The following COL4A6 variants were observed in gnomAD, a reference collection of about 807,000 sequenced individuals.
The protein encoded by COL4A6 is collagen type IV alpha 6 chain.
A neutral mutation model predicts 126.7 loss-of-function variants in COL4A6; 59 were observed. The ratio of observed to expected loss-of-function variants is 0.47; its 90% confidence interval spans 0.38 to 0.58. The LOEUF is 0.58. Ranked by LOEUF, COL4A6 falls within the 20% of genes least tolerant of loss-of-function variation. The probability of loss-of-function intolerance (pLI) is 0.00; values close to 1 mark genes in which losing one functional copy is unlikely to be tolerated. For synonymous variants in COL4A6, 547 were observed against 496.6 expected, an observed-to-expected ratio of 1.10 and a Z score of -1.35; for missense variants, 1,285 against 1,337.3, an observed-to-expected ratio of 0.96 and a Z score of 0.61.
At chrX:108,310,883 C>T in intron 2 of COL4A6, 55 bp from the exon 3 acceptor site, 11 of 934,515 alleles carry the variant, frequency 1.2e-5, no homozygotes, top group Non-Finnish European at 1.7e-5. Context: ...GCAATGTTGT[C>T]CCAGCAGACC....
intron 3 of COL4A6, among the ~76,000 whole-genome samples, chrX:108,245,872 T>C (rs1289335904): frequency 8.9e-6 from 1 of 111,997 alleles, no homozygotes; most frequent in Non-Finnish European, 1.9e-5. Flanking sequence ...TGAGAATTGA[T>C]AGGTTAGTGT....
At chrX:108,433,434 C>T (rs1317787089) in intron 2 of COL4A6, among the ~76,000 whole-genome samples, 3 of 111,714 alleles carry the variant, frequency 2.7e-5, no homozygotes, top group Non-Finnish European at 5.6e-5. Context: ...TGTTCTTTTT[C>T]TATGTGTATG....
intron 2 of COL4A6, among the ~76,000 whole-genome samples, chrX:108,337,520 G>A (rs929526818): frequency 8.9e-6 from 1 of 112,926 alleles, no homozygotes; most frequent in Non-Finnish European, 1.9e-5. Flanking sequence ...CTCGTGAAGC[G>A]AGGAGCAGAC....
chrX:108,201,548 C>T (rs1194005888), intron 13 of COL4A6, among the ~76,000 whole-genome samples: 1 of 111,580 alleles, frequency 9.0e-6, no homozygotes, highest in Non-Finnish European at 1.9e-5. Context: ...TTTAAATATT[C>T]AGAGGTATTT....
chrX:108,281,933 G>T (rs1169572353), intron 3 of COL4A6, among the ~76,000 whole-genome samples: 2 of 109,729 alleles, frequency 1.8e-5, no homozygotes, highest in Non-Finnish European at 3.8e-5. Context: ...TGGGAAAACT[G>T]GCTAGCCATA....
intron 3 of COL4A6, among the ~76,000 whole-genome samples, chrX:108,278,795 C>A (rs1229728550): frequency 9.1e-6 from 1 of 110,169 alleles, no homozygotes; most frequent in Non-Finnish European, 1.9e-5. Flanking sequence ...GCGGATCTCT[C>A]GGCAGAAACT....
At chrX:108,315,950 C>T (rs761771896) in intron 2 of COL4A6, among the ~76,000 whole-genome samples, 3 of 112,041 alleles carry the variant, frequency 2.7e-5, no homozygotes, top group Non-Finnish European at 3.8e-5. Flanking sequence ...TGTTAGAGAT[C>T]AGCATCACTT....
chrX:108,412,441 G>A (rs1036199888), intron 2 of COL4A6, among the ~76,000 whole-genome samples: 1 of 111,619 alleles, frequency 9.0e-6, no homozygotes, highest in African/African-American at 3.3e-5. Context: ...GTGCAAAGAC[G>A]CATTCTACTA....
chrX:108,219,313 C>A (rs780762532), intron 5 of COL4A6, among the ~76,000 whole-genome samples: 4 of 111,891 alleles, frequency 3.6e-5, no homozygotes, highest in Non-Finnish European at 7.5e-5. Context: ...AAGGATTTTA[C>A]CCTCTAATTT....
intron 3 of COL4A6, among the ~76,000 whole-genome samples, chrX:108,235,021 C>A (rs923205809): frequency 9.0e-6 from 1 of 111,351 alleles, no homozygotes; most frequent in African/African-American, 3.3e-5. Context: ...GCACTGAGAG[C>A]TCCCCCGACA....
chrX:108,409,769 G>C (rs909881984), intron 2 of COL4A6, among the ~76,000 whole-genome samples: 26 of 112,306 alleles, frequency 2.3e-4, no homozygotes, highest in African/African-American at 7.4e-4. Flanking sequence ...CGAATGTCTT[G>C]CTGAAAGCTA....
chrX:108,157,442 C>T (rs748475621), intron 44 of COL4A6, among the ~76,000 whole-genome samples, 182 bp from the exon 45 acceptor site: 436 of 111,400 alleles, frequency 3.9e-3, no homozygotes, highest in Non-Finnish European at 6.8e-3. Context: ...GGCTGCTTGT[C>T]CTCCCTCATA....
At position 108,169,612 on chromosome X, in the gene COL4A6, T is replaced by C. The variant is rs2034237347; in HGVS notation, c.3574A>G (p.Ile1192Val). 3 of 1,207,551 alleles carry C rather than the reference T, an allele frequency of 2.5e-6. No homozygotes were observed. Among genetic ancestry groups the C allele is most frequent in the Non-Finnish European group, 3.4e-6 (3 of 894,079 alleles). ...KGTHGTPGPSITGVPGPAGLP... is the reference protein window; with the variant it reads ...KGTHGTPGPSVTGVPGPAGLP... Reference sequence around the variant, plus strand: ...CCAGCAGGCCCAGGCACACCGGTGATACTAGGTCCTAGGAGGAGATGCAGG... The same window carrying C: ...CCAGCAGGCCCAGGCACACCGGTGACACTAGGTCCTAGGAGGAGATGCAGG... The change falls in exon 37 of 45, where the codon ATC (isoleucine) becomes GTC (valine). Residue 1192 changes from isoleucine (I) to valine (V), a missense_variant. By Grantham distance (29) the Ile-to-Val change is conservative. Coordinates refer to ENST00000334504, the MANE Select transcript of COL4A6 (RefSeq NM_033641.4).
At chrX:108,356,544 C>T (rs1203483296) in intron 2 of COL4A6, among the ~76,000 whole-genome samples, 1 of 110,638 alleles carries the variant, frequency 9.0e-6, no homozygotes. Context: ...AAACTCACTT[C>T]ATATTGAGCC....
intron 2 of COL4A6, among the ~76,000 whole-genome samples, chrX:108,411,892 G>A (rs1378415382): frequency 9.0e-6 from 1 of 110,714 alleles, no homozygotes; most frequent in South Asian, 3.9e-4. Flanking sequence ...GGGAGGGGTT[G>A]CTCGGTGTTG....
At chrX:108,312,231 C>A (rs1469302383) in intron 2 of COL4A6, among the ~76,000 whole-genome samples, 2 of 111,992 alleles carry the variant, frequency 1.8e-5, no homozygotes, top group Non-Finnish European at 3.8e-5. Context: ...TTCCTAATTC[C>A]TAGAGAGCAC....
intron 2 of COL4A6, among the ~76,000 whole-genome samples, chrX:108,387,843 G>A (rs2040737701): frequency 8.9e-6 from 1 of 111,829 alleles, no homozygotes; most frequent in African/African-American, 3.3e-5. Flanking sequence ...TATGATATTG[G>A]CTATGGGTTT....
chrX:108,246,666 G>A (rs1455427132), intron 3 of COL4A6, among the ~76,000 whole-genome samples: 3 of 111,178 alleles, frequency 2.7e-5, no homozygotes, highest in African/African-American at 6.5e-5. Context: ...TATCATAATC[G>A]CAGCCGCTGA....
chrX:108,219,773 G>C, intron 4 of COL4A6, 31 bp from the exon 5 acceptor site: 1 of 1,136,235 alleles, frequency 8.8e-7, no homozygotes, highest in Non-Finnish European at 1.2e-6. Flanking sequence ...AGGAATGTAA[G>C]ACACAATCCA....
Sources: allele counts gnomAD v4.1 joint callset (sites outside exome capture counted in the v4.1 genomes callset), GRCh38; gene constraint gnomAD v4.1.1; transcripts MANE v1.5; gene names NCBI Gene and HGNC (gene_info 2026-07-23, HGNC 2026-07-21).